The following RAB11FIP5 variants were observed in gnomAD, a reference collection of about 807,000 sequenced individuals.
RAB11FIP5 encodes the protein RAB11 family interacting protein 5.
In RAB11FIP5, 48 loss-of-function variants were observed where a neutral mutation model predicts 85.1. The ratio of observed to expected loss-of-function variants is 0.56; its 90% CI spans 0.45 to 0.72. The LOEUF (loss-of-function observed/expected upper bound fraction) is 0.72, where lower values mean the gene tolerates loss of function less well. RAB11FIP5 is among the 30% of genes least tolerant of loss of function. The probability of loss-of-function intolerance (pLI) is 0.00; values close to 1 mark genes in which losing one functional copy is unlikely to be tolerated. For missense variants in RAB11FIP5, 1,491 were observed against 1,687.0 expected, an observed-to-expected ratio of 0.88 and a Z score of 2.04; for synonymous variants, 729 against 727.3, an observed-to-expected ratio of 1.00 and a Z score of -0.04.
At position 73,080,973 on chromosome 2, in the gene RAB11FIP5, CGAG is replaced by C. The variant is rs1683964884; in HGVS notation, c.2256_2258del (p.Ser754del). ...AGGCTCTCAGCTGTAGCTGGGCTGA[CGAG>C]GAGGGCAGGCCAGCCCCTACCGACC... On this transcript the variant is annotated inframe_deletion, in exon 4 of 6. Transcript: ENST00000486777. 4 of 1,232,200 alleles carry C rather than the reference CGAG, an allele frequency of 3.2e-6. No homozygotes were observed. In the South Asian group the frequency reaches 1.6e-4, roughly 51 times the overall value. 76.3% of individuals were successfully genotyped at this position (1,232,200 alleles called of 1,614,324 possible).
chr2:73,098,836 A>G (rs1684374765), intron 1 of RAB11FIP5, among the ~76,000 whole-genome samples: 1 of 152,196 alleles, frequency 6.6e-6, no homozygotes, highest in Non-Finnish European at 1.5e-5. Context: ...TTTTTGCAAC[A>G]GTAGTACAGA....
chr2:73,109,375 C>T (rs1684598491), intron 1 of RAB11FIP5, among the ~76,000 whole-genome samples: 1 of 152,210 alleles, frequency 6.6e-6, no homozygotes, highest in South Asian at 2.1e-4. Flanking sequence ...ATTTTGAGAG[C>T]TTCTATGTAT....
intron 1 of RAB11FIP5, among the ~76,000 whole-genome samples, chr2:73,091,328 C>T (rs1263901298): frequency 6.6e-6 from 1 of 152,162 alleles, no homozygotes; most frequent in East Asian, 1.9e-4. Context: ...AGGGAAAAGC[C>T]TTCCACTAGC....
chr2:73,111,877 C>T (rs1251453379), intron 1 of RAB11FIP5, among the ~76,000 whole-genome samples: 1 of 152,148 alleles, frequency 6.6e-6, no homozygotes, highest in Admixed American at 6.5e-5. Context: ...CAACATTCAA[C>T]CTCGCCCTGG....
Position 73,089,266 on chromosome 2 carries a change from C to T in RAB11FIP5, c.481G>A (p.Glu161Lys), listed in dbSNP as rs777895548. 14 of 1,614,050 alleles carry T rather than the reference C, an allele frequency of 8.7e-6. No homozygotes were observed. Among genetic ancestry groups the T allele is most frequent in the South Asian group, 3.3e-5 (3 of 91,090 alleles). Reference protein sequence around the residue: ...KPGKKEKERGEIEVTIQFTRN... With the variant: ...KPGKKEKERGKIEVTIQFTRN... Reference sequence around the variant, plus strand: ...GTGAACTGGATGGTGACTTCAATCTCGCCGCGTTCCTTCTCCTTCTTGCCT... The same window carrying T: ...GTGAACTGGATGGTGACTTCAATCTTGCCGCGTTCCTTCTCCTTCTTGCCT... The change falls in exon 2 of 6, where the codon GAG (glutamate) becomes AAG (lysine). Residue 161 changes from glutamate to lysine, a missense_variant. Physicochemically the swap from Glu to Lys is moderately conservative, Grantham distance 56. Around this residue, in one of 3 missense-constraint regions of RAB11FIP5, gnomAD observed 1,211 missense variants for 1,338.0 expected, o/e 0.91. Coordinates refer to ENST00000486777, the MANE Select transcript of RAB11FIP5 (RefSeq NM_001371272.1). The surrounding 1 kb of genome is among the most constrained non-coding windows in gnomAD (Gnocchi z 4.6).
chr2:73,076,417 C>T (rs1559231440), intron 4 of RAB11FIP5, among the ~76,000 whole-genome samples: 1 of 152,176 alleles, frequency 6.6e-6, no homozygotes, highest in Non-Finnish European at 1.5e-5. Flanking sequence ...TTCACTCCCT[C>T]ATTCACCGGG....
intron 1 of RAB11FIP5, among the ~76,000 whole-genome samples, chr2:73,095,173 C>T (rs1282316891): frequency 6.6e-6 from 1 of 152,164 alleles, no homozygotes; most frequent in African/African-American, 2.4e-5. Flanking sequence ...CAAGGCCCAG[C>T]CAGCACATGC....
At chr2:73,076,624 G>A (rs942148123) in intron 4 of RAB11FIP5, among the ~76,000 whole-genome samples, 3 of 152,140 alleles carry the variant, frequency 2.0e-5, no homozygotes, top group African/African-American at 7.2e-5. Flanking sequence ...CAGGACATGA[G>A]ACTTTGAGTG....
chr2:73,099,843 G>A (rs1009803442), intron 1 of RAB11FIP5, among the ~76,000 whole-genome samples: 1 of 152,192 alleles, frequency 6.6e-6, no homozygotes, highest in African/African-American at 2.4e-5. Context: ...CCTTCTGGCT[G>A]CAGCCACTGC....
At position 73,095,420 on chromosome 2, in the gene RAB11FIP5, C is replaced by T. The variant is rs181367748; in HGVS notation, c.432-6105G>A. 5.0e-3 allele frequency among the ~76,000 whole-genome samples: 758 copies of T among 152,260 alleles called. 6 individuals are homozygous for T. The highest frequency in any genetic ancestry group is 0.012 in the South Asian group (59 of 4,822). On this transcript the variant is annotated intron_variant, in intron 1 of 5. Coordinates refer to ENST00000486777, the MANE Select transcript of RAB11FIP5 (RefSeq NM_001371272.1). Reference sequence around the variant, plus strand: ...CTTGTTAAAATGTGTATTCTGATACCCAAAGTGTAGGTGGACCTGAGAGAG... The same window carrying T: ...CTTGTTAAAATGTGTATTCTGATACTCAAAGTGTAGGTGGACCTGAGAGAG...
At chr2:73,102,125 G>A (rs1684441359) in intron 1 of RAB11FIP5, among the ~76,000 whole-genome samples, 1 of 152,144 alleles carries the variant, frequency 6.6e-6, no homozygotes, top group African/African-American at 2.4e-5. Flanking sequence ...GGCGAGGAGG[G>A]GGTAGGGAGA....
rs1484658718 is a variant in RAB11FIP5 at position 73,112,882 on chromosome 2, C to T, written c.-105G>A. On this transcript the variant is annotated 5_prime_UTR_variant, in exon 1 of 6. Coordinates refer to ENST00000486777, the MANE Select transcript of RAB11FIP5 (RefSeq NM_001371272.1). ...GCGGTCAGGAACCAACTCTGAGCGC[C>T]GCCGCAGCTGCGGGCTGGGCTGGGC... 2 of 1,094,922 alleles carry T rather than the reference C, an allele frequency of 1.8e-6. No homozygotes were observed. The highest frequency in any genetic ancestry group is 6.6e-5 in the East Asian group (2 of 30,222). The allele number at this position is 1,094,922 out of a possible 1,614,324, so 67.8% of individuals were successfully genotyped here. A position where few individuals can be genotyped will look rare whatever the true frequency, so the allele number is the denominator to read the frequency against.
In RAB11FIP5 at chr2:73,075,709, C is replaced by T; in HGVS notation, c.3787G>A (p.Asp1263Asn). The change falls in exon 6 of 6, where the codon GAC becomes AAC. Residue 1263 changes from aspartate (D) to asparagine (N), a missense_variant. Asp to Asn is a conservative substitution (Grantham distance 23). Coordinates refer to ENST00000486777, the MANE Select transcript of RAB11FIP5 (RefSeq NM_001371272.1). The surrounding 1 kb of genome is among the most constrained non-coding windows in gnomAD (Gnocchi z 4.6). Reference sequence around the variant, plus strand: ...AGGTGGTAGTACTTGGCCGACTGGTCCAGCACAGCTGAGTCCTGAGGCCGG... The same window carrying T: ...AGGTGGTAGTACTTGGCCGACTGGTTCAGCACAGCTGAGTCCTGAGGCCGG... ...TKRLKDSAVLDQSAKYYHLTH... is the reference protein window; with the variant it reads ...TKRLKDSAVLNQSAKYYHLTH... 6.2e-7 allele frequency: 1 copy of T among 1,607,676 alleles called. No individual in the cohort carries two copies. The highest frequency in any genetic ancestry group is 8.5e-7 in the Non-Finnish European group (1 of 1,176,748).
intron 1 of RAB11FIP5, among the ~76,000 whole-genome samples, chr2:73,098,869 C>G (rs1684375687): frequency 6.6e-6 from 1 of 152,116 alleles, no homozygotes; most frequent in Admixed American, 6.6e-5. Flanking sequence ...ACGCTTGTCA[C>G]CAAGAGAAAT....
In RAB11FIP5 at chr2:73,075,714, A is replaced by C. The variant is rs767853530; in HGVS notation, c.3782T>G (p.Val1261Gly). 1 of 1,605,428 alleles carries C rather than the reference A, an allele frequency of 6.2e-7. No homozygotes were observed. The highest frequency in any genetic ancestry group is 1.7e-5 in the Admixed American group (1 of 59,156). The change falls in exon 6 of 6, where the codon GTG becomes GGG. Residue 1261 changes from valine to glycine, a missense_variant. Transcript: ENST00000486777. The surrounding 1 kb of genome is among the most constrained non-coding windows in gnomAD (Gnocchi z 4.6). Reference sequence around the variant, plus strand: ...GTAGTACTTGGCCGACTGGTCCAGCACAGCTGAGTCCTGAGGCCGGACCGA... The same window carrying C: ...GTAGTACTTGGCCGACTGGTCCAGCCCAGCTGAGTCCTGAGGCCGGACCGA... The part of the protein sequence containing the change: ...VDTKRLKDSA[V>G]LDQSAKYYHL...
chr2:73,076,376 A>G (rs1471208887), intron 4 of RAB11FIP5, among the ~76,000 whole-genome samples, 194 bp from the exon 5 acceptor site: 1 of 151,940 alleles, frequency 6.6e-6, no homozygotes, highest in Admixed American at 6.6e-5. Flanking sequence ...GCTGGCCTCA[A>G]TTCCCACCCC....
chr2:73,092,097 C>T (rs1684226790), intron 1 of RAB11FIP5, among the ~76,000 whole-genome samples: 1 of 152,188 alleles, frequency 6.6e-6, no homozygotes, highest in South Asian at 2.1e-4. Flanking sequence ...CGTTCTCAGC[C>T]CAGTGACCAC....
In RAB11FIP5 at chr2:73,088,757, G is replaced by C; in HGVS notation, c.869-8C>G. On this transcript the variant is annotated splice_polypyrimidine_tract_variant and splice_region_variant and intron_variant, in intron 2 of 5. Coordinates refer to ENST00000486777, the MANE Select transcript of RAB11FIP5 (RefSeq NM_001371272.1). ...ACTGTGCAGAGTCCCTGCCTGCAGG[G>C]GAAACACACAGAGTTAGCTCGCAGG... 1 of 1,576,130 alleles carries C rather than the reference G, an allele frequency of 6.3e-7. No homozygotes were observed.
intron 1 of RAB11FIP5, 85 bp downstream of exon 1, chr2:73,112,262 G>A (rs1299705595): frequency 2.9e-6 from 4 of 1,357,610 alleles, no homozygotes; most frequent in African/African-American, 3.1e-5. Flanking sequence ...TCACTGGCCC[G>A]GCTGAAGTTC....
Sources: allele counts gnomAD v4.1 joint callset (sites outside exome capture counted in the v4.1 genomes callset), GRCh38; gene constraint gnomAD v4.1.1; regional missense constraint gnomAD v4.1.1; non-coding constraint Gnocchi (gnomAD v3.1); transcripts MANE v1.5; gene names NCBI Gene and HGNC (gene_info 2026-07-23, HGNC 2026-07-21).